Variants in PRCP observed in about 807,000 individuals in gnomAD.
PRCP encodes prolylcarboxypeptidase.
In PRCP, 46 loss-of-function variants were observed where a neutral mutation model predicts 54.2. The observed-to-expected ratio is 0.85, with a 90% CI of 0.67 to 1.09. PRCP has a LOEUF of 1.09. PRCP is among the 50% of genes least tolerant of loss of function. PRCP has a pLI of 0.00. For synonymous variants in PRCP, 240 were observed against 212.2 expected (o/e 1.13, Z -1.14); for missense variants, 613 against 596.8 (o/e 1.03, Z -0.28).
intron 6 of PRCP, 165 bp from the exon 7 acceptor site, chr11:82,839,590 G>T: frequency 4.2e-6 from 3 of 716,620 alleles, no homozygotes; most frequent in Non-Finnish European, 6.7e-6. Flanking sequence ...CTCCATAAAT[G>T]AATAAACCTC....
intron 8 of PRCP, chr11:82,826,609 AC>A (rs1858241542): frequency 6.6e-6 from 1 of 152,204 alleles, no homozygotes; most frequent in Non-Finnish European, 1.5e-5. Context: ...TACATCTTCA[AC>A]ACTTATTATT....
chr11:82,853,035 C>A, intron 3 of PRCP, 142 bp downstream of exon 3: 2 of 543,720 alleles, frequency 3.7e-6, no homozygotes, highest in Non-Finnish European at 6.2e-6. Flanking sequence ...CAAATTGTAT[C>A]TAAAAAGAAA....
chr11:82,867,619 T>TA (rs1859371666), intron 1 of PRCP, among the ~76,000 whole-genome samples: 1 of 152,196 alleles, frequency 6.6e-6, no homozygotes. Flanking sequence ...AAATTAGAGA[T>TA]AAAGTGCTGC....
At position 82,823,262 on chromosome 11, in the gene PRCP, G is replaced by A. The variant is rs1858138936; in HGVS notation, c.*1644C>T. ...CCTAAAATCGTAAAATAAATTGTAAGAATATCCTCTATTGAGCCCATAAAC... is the reference window on the plus strand; with the variant it reads ...CCTAAAATCGTAAAATAAATTGTAAAAATATCCTCTATTGAGCCCATAAAC... On this transcript the variant is annotated 3_prime_UTR_variant, in exon 9 of 9. Transcript: ENST00000313010. Among the ~76,000 whole-genome samples, 1 of 152,136 alleles carries A rather than the reference G, an allele frequency of 6.6e-6. No individual in the cohort carries two copies. Among genetic ancestry groups the A allele is most frequent in the African/African-American group, 2.4e-5 (1 of 41,436 alleles).
chr11:82,848,995 C>T, intron 6 of PRCP, 54 bp downstream of exon 6: 5 of 1,552,242 alleles, frequency 3.2e-6, no homozygotes, highest in Non-Finnish European at 4.4e-6. Context: ...AGAGTATGCA[C>T]ATTAAAAAAA....
Position 82,826,012 on chromosome 11 carries a change from T to C in PRCP, c.1275-890A>G, listed in dbSNP as rs149943260. On this transcript the variant is annotated intron_variant, in intron 8 of 8. Transcript: ENST00000313010. ...ACAGAATTTGTCCATCTAAAACACA[T>C]AATTCGATGGTTTTTAGTATACTCA... 1.0e-3 allele frequency: 152 copies of C among 152,316 alleles called. 1 individual carries two copies. Among genetic ancestry groups the C allele is most frequent in the African/African-American group, 3.5e-3 (147 of 41,576 alleles). The allele number at this position is 152,316 out of a possible 1,614,324, so 9.4% of individuals were successfully genotyped here.
intron 1 of PRCP, among the ~76,000 whole-genome samples, chr11:82,894,347 G>A (rs1326802947): frequency 6.6e-6 from 1 of 152,188 alleles, no homozygotes; most frequent in African/African-American, 2.4e-5. Flanking sequence ...TTATGGGTCT[G>A]TGTCTTATTC....
chr11:82,845,325 T>G (rs1315440306), intron 6 of PRCP, among the ~76,000 whole-genome samples: 1 of 152,038 alleles, frequency 6.6e-6, no homozygotes, highest in Non-Finnish European at 1.5e-5. Flanking sequence ...GAGTACACAT[T>G]TAAATAAGAG....
At chr11:82,893,093 T>C (rs1045496783) in intron 1 of PRCP, among the ~76,000 whole-genome samples, 1 of 152,212 alleles carries the variant, frequency 6.6e-6, no homozygotes, top group Non-Finnish European at 1.5e-5. Flanking sequence ...ATTTAACCAG[T>C]TCTAGCCAAG....
intron 8 of PRCP, chr11:82,836,007 A>G (rs1031193327): frequency 3.7e-6 from 1 of 267,984 alleles, no homozygotes; most frequent in Admixed American, 4.5e-5. Flanking sequence ...CCTGGCTAAC[A>G]TGGTTGAAAC....
intron 8 of PRCP, among the ~76,000 whole-genome samples, chr11:82,835,312 A>G (rs1398628517): frequency 6.6e-6 from 1 of 152,252 alleles, no homozygotes; most frequent in Non-Finnish European, 1.5e-5. Flanking sequence ...GCCTAAACTC[A>G]GAGTCAACTT....
chr11:82,856,710 T>C (rs1300373888), intron 2 of PRCP, among the ~76,000 whole-genome samples: 3 of 150,128 alleles, frequency 2.0e-5, no homozygotes, highest in African/African-American at 7.4e-5. Context: ...AAAAACACGA[T>C]GGAGAGAAAA....
intron 1 of PRCP, among the ~76,000 whole-genome samples, chr11:82,870,844 G>C (rs1211693979): frequency 6.6e-6 from 1 of 152,140 alleles, no homozygotes; most frequent in Non-Finnish European, 1.5e-5. Context: ...AGAGGACAGG[G>C]GGCAAGAGAA....
intron 1 of PRCP, among the ~76,000 whole-genome samples, chr11:82,862,490 T>C (rs1859230300): frequency 6.6e-6 from 1 of 152,154 alleles, no homozygotes; most frequent in African/African-American, 2.4e-5. Context: ...TGCTCCAGTC[T>C]CCCAGGAACA....
chr11:82,868,496 C>A lies in PRCP; in HGVS notation c.169-8379G>T, dbSNP rs138452323. ...GTGTGGTTAAGTTCTGTATACAAAG[C>A]ACTGTGGGAGCTCAGAAGCCAAAGT... On this transcript the variant is annotated intron_variant, in intron 1 of 8. Transcript: ENST00000313010. 1.3e-3 allele frequency among the ~76,000 whole-genome samples: 203 copies of A among 152,282 alleles called. 3 individuals carry two copies. The highest frequency in any genetic ancestry group is 4.6e-3 in the African/African-American group (191 of 41,554).
intron 3 of PRCP, 112 bp downstream of exon 3, chr11:82,853,065 G>C: frequency 1.5e-6 from 1 of 670,374 alleles, no homozygotes; most frequent in Non-Finnish European, 2.4e-6. Context: ...ATAAACTATT[G>C]AGCTTTTAGG....
rs537682069 is a variant in PRCP, at chr11:82,879,298, C to T, written c.169-19181G>A. ...TCATTTGATCTTCAATCACTGATAC[C>T]CTTTCTTCCACTTGATTGAATCAGC... On this transcript the variant is annotated intron_variant, in intron 1 of 8. Coordinates refer to ENST00000313010, the MANE Select transcript of PRCP (RefSeq NM_005040.4). Among the ~76,000 whole-genome samples, 8 of 152,192 alleles carry T rather than the reference C, an allele frequency of 5.3e-5. No individual in the cohort carries two copies. The South Asian group carries it at 1.7e-3, about 32-fold the overall frequency.
At chr11:82,893,586 G>A (rs1860050781) in intron 1 of PRCP, among the ~76,000 whole-genome samples, 1 of 152,106 alleles carries the variant, frequency 6.6e-6, no homozygotes, top group African/African-American at 2.4e-5. Flanking sequence ...GAGGACAAGA[G>A]TTCAAGACCA....
intron 6 of PRCP, among the ~76,000 whole-genome samples, chr11:82,844,672 G>T (rs1858758606): frequency 6.8e-6 from 1 of 146,964 alleles, no homozygotes. Flanking sequence ...GGCAGAGGTT[G>T]CAGTGAGCCG....
Sources: allele counts gnomAD v4.1 joint callset (sites outside exome capture counted in the v4.1 genomes callset), GRCh38; gene constraint gnomAD v4.1.1; transcripts MANE v1.5; gene names NCBI Gene and HGNC (gene_info 2026-07-23, HGNC 2026-07-21).